Variants in DYTN observed in about 807,000 individuals in gnomAD.
The protein encoded by DYTN is dystrotelin.
Under a neutral mutation model 69.6 loss-of-function variants are expected in DYTN, and 75 were observed. The observed-to-expected ratio is 1.08, with a 90% CI of 0.89 to 1.31. The LOEUF (loss-of-function observed/expected upper bound fraction) is 1.31, where lower values mean the gene tolerates loss of function less well. DYTN is among the 50% of genes most tolerant of loss of function. DYTN has a pLI of 0.00. For missense variants in DYTN, 726 were observed against 688.4 expected (o/e 1.05, Z -0.61); for synonymous variants, 252 against 249.1 (o/e 1.01, Z -0.11).
intron 9 of DYTN, among the ~76,000 whole-genome samples, chr2:206,677,362 A>T (rs911634886): frequency 6.6e-6 from 1 of 152,220 alleles, no homozygotes; most frequent in Non-Finnish European, 1.5e-5. Context: ...AATTCAAATA[A>T]TGCTGTTCTT....
At chr2:206,666,891 ACACAC>A (rs1699578422) in intron 9 of DYTN, among the ~76,000 whole-genome samples, 3 of 151,862 alleles carry the variant, frequency 2.0e-5, no homozygotes, top group African/African-American at 4.8e-5. Flanking sequence ...ACACACACAC[ACACAC>A]AAATTAGCTG....
chr2:206,693,525 C>T (rs570021665), intron 8 of DYTN, among the ~76,000 whole-genome samples: 1 of 152,262 alleles, frequency 6.6e-6, no homozygotes, highest in Admixed American at 6.5e-5. Context: ...TTAAACACCC[C>T]AAACCCCCTC....
rs1010292962 is a variant in DYTN at position 206,663,194 on chromosome 2, G to A, written c.1342C>T (p.His448Tyr). The A allele has an allele frequency of 1.2e-6, 2 of 1,613,830 alleles. No individual in the cohort carries two copies. Among genetic ancestry groups the A allele is most frequent in the African/African-American group, 2.7e-5 (2 of 74,898 alleles). ...GGTGATTCTGGATTTCGCAGAGCAT[G>A]CTCTGCATTTGTGTGACTTCTGTGA... is the stretch of plus-strand genomic sequence containing the variant. Reference protein sequence around the residue: ...RSHRSHTNAEHALRNPESPET... With the variant: ...RSHRSHTNAEYALRNPESPET... The change falls in exon 11 of 12, where the codon CAT becomes TAT. Residue 448 changes from histidine to tyrosine, a missense_variant. Transcript: ENST00000452335.
At chr2:206,694,544 CTGT>C (rs1251942251) in intron 8 of DYTN, among the ~76,000 whole-genome samples, 7 of 152,130 alleles carry the variant, frequency 4.6e-5, no homozygotes, top group Non-Finnish European at 1.5e-5. Flanking sequence ...GAACTCTGGC[CTGT>C]TCTTGTGGCC....
At position 206,665,922 on chromosome 2, in the gene DYTN, GT is replaced by G. The variant is rs1699565838; in HGVS notation, c.1087del (p.Thr363ProfsTer13). The G allele has an allele frequency of 6.2e-7, 1 of 1,613,936 alleles. No individual in the cohort carries two copies. The highest frequency in any genetic ancestry group is 8.5e-7 in the Non-Finnish European group (1 of 1,179,862). The stretch of plus-strand genomic sequence containing the variant: ...CTTGGTCCATAGACTATCCTGGTTG[GT>G]TTTGAGTTTGTGAATCCTTGTTTCA... The part of the protein sequence containing the change: ...RFETRIHKLK[T>X]NQDSLWTKLQ... On this transcript the variant is annotated frameshift_variant, in exon 10 of 12. Transcript: ENST00000452335. LOFTEE classifies it high-confidence loss of function.
intron 9 of DYTN, among the ~76,000 whole-genome samples, chr2:206,670,122 A>T (rs1268375108): frequency 6.6e-6 from 1 of 152,236 alleles, no homozygotes; most frequent in African/African-American, 2.4e-5. Flanking sequence ...CCTAGTAGAA[A>T]GTTAGAATGC....
intron 9 of DYTN, among the ~76,000 whole-genome samples, chr2:206,666,480 T>G (rs1210405814): frequency 6.6e-6 from 1 of 152,174 alleles, no homozygotes; most frequent in East Asian, 1.9e-4. Flanking sequence ...ATATTACAGA[T>G]TACTTTTGAC....
At position 206,663,161 on chromosome 2, in the gene DYTN, T is replaced by A; in HGVS notation, c.1375A>T (p.Thr459Ser). ...ALRNPESPETTLHSTRAQSQT... is the reference protein window; with the variant it reads ...ALRNPESPETSLHSTRAQSQT... ...CTTTGTGCCCTGGTGCTGTGCAAAGTGGTCTCTGGTGATTCTGGATTTCGC... is the reference window on the plus strand; with the variant it reads ...CTTTGTGCCCTGGTGCTGTGCAAAGAGGTCTCTGGTGATTCTGGATTTCGC... The change falls in exon 11 of 12, where the codon ACT (threonine) becomes TCT (serine). Residue 459 changes from threonine (T) to serine (S), a missense_variant. Transcript: ENST00000452335. 6.2e-7 allele frequency: 1 copy of A among 1,613,966 alleles called. No individual in the cohort carries two copies. Among genetic ancestry groups the A allele is most frequent in the Non-Finnish European group, 8.5e-7 (1 of 1,179,882 alleles).
chr2:206,718,088 G>A (rs1422351399), intron 1 of DYTN, among the ~76,000 whole-genome samples, 173 bp downstream of exon 1: 1 of 152,134 alleles, frequency 6.6e-6, no homozygotes, highest in African/African-American at 2.4e-5. Context: ...AGTACATGGT[G>A]GATTTCTGTT....
rs13388286 is a variant in DYTN at position 206,657,801 on chromosome 2, G to A, written c.1633+5102C>T. 2.6e-3 allele frequency among the ~76,000 whole-genome samples: 402 copies of A among 152,182 alleles called. 2 individuals carry two copies. Among genetic ancestry groups the A allele is most frequent in the African/African-American group, 9.4e-3 (391 of 41,512 alleles). ...GCTTTCAAAATTCTCTTTTGTGTTT[G>A]ACTTTTGACAATTTGGTTATAATGT... On this transcript the variant is annotated intron_variant, in intron 11 of 11. Coordinates refer to ENST00000452335, the MANE Select transcript of DYTN (RefSeq NM_001093730.1).
At chr2:206,674,451 T>C (rs1699661283) in intron 9 of DYTN, among the ~76,000 whole-genome samples, 1 of 152,146 alleles carries the variant, frequency 6.6e-6, no homozygotes, top group Non-Finnish European at 1.5e-5. Context: ...TTTATGAAAC[T>C]ATTATAAAGC....
intron 9 of DYTN, among the ~76,000 whole-genome samples, chr2:206,666,370 CTGTT>C (rs1699572708): frequency 2.0e-5 from 3 of 152,186 alleles, no homozygotes; most frequent in African/African-American, 2.4e-5. Context: ...ATTGTTGACA[CTGTT>C]TGTTCACCAT....
chr2:206,711,734 C>G (rs1700080097), intron 1 of DYTN, among the ~76,000 whole-genome samples: 1 of 151,598 alleles, frequency 6.6e-6, no homozygotes, highest in Non-Finnish European at 1.5e-5. Context: ...ATCCCTCCCC[C>G]TTCCCCCCAC....
intron 9 of DYTN, among the ~76,000 whole-genome samples, chr2:206,666,296 G>A (rs891397375): frequency 1.3e-5 from 2 of 152,066 alleles, no homozygotes; most frequent in African/African-American, 4.8e-5. Context: ...GATTACAGGT[G>A]CACACCACCA....
At chr2:206,665,738 G>A (rs1022438152) in intron 10 of DYTN, 132 bp downstream of exon 10, 3 of 1,053,000 alleles carry the variant, frequency 2.8e-6, no homozygotes, top group Non-Finnish European at 4.0e-6. Flanking sequence ...GGAAATGGGA[G>A]GTCAGGGTAC....
At position 206,700,184 on chromosome 2, in the gene DYTN, C is replaced by T. The variant is rs946059218; in HGVS notation, c.516G>A (p.Leu172=). Residue 172 remains leucine (L), a synonymous_variant, in exon 6 of 12, where the codon CTG becomes CTA. Transcript: ENST00000452335. ...IPTFVGESRA[L]CPVESATRSC... ...TGCGGGTGGCACTTTCCACAGGGCA[C>T]AGAGCACGACTCTCTCCCACGAAAG... 10 of 1,613,948 alleles carry T rather than the reference C, an allele frequency of 6.2e-6. No homozygotes were observed. Among genetic ancestry groups the T allele is most frequent in the Non-Finnish European group, 8.5e-6 (10 of 1,179,826 alleles).
At chr2:206,715,038 A>T (rs1394079208) in intron 1 of DYTN, among the ~76,000 whole-genome samples, 2 of 152,098 alleles carry the variant, frequency 1.3e-5, no homozygotes, top group African/African-American at 4.8e-5. Flanking sequence ...TAAGATACTA[A>T]GCAGCATTCC....
chr2:206,703,834 A>G (rs1002743895), intron 5 of DYTN, among the ~76,000 whole-genome samples: 31 of 152,284 alleles, frequency 2.0e-4, no homozygotes, highest in African/African-American at 6.3e-4. Flanking sequence ...ATTTTGTAGG[A>G]GCTGGAAGAA....
intron 11 of DYTN, among the ~76,000 whole-genome samples, chr2:206,655,673 C>G (rs1699440326): frequency 6.6e-6 from 1 of 151,856 alleles, no homozygotes; most frequent in African/African-American, 2.4e-5. Flanking sequence ...GTCCTCCCAC[C>G]TCAGCCTCCC....
Sources: gnomAD v4.1 joint callset for allele counts (sites outside exome capture counted in the v4.1 genomes callset) on GRCh38, gnomAD v4.1.1 for gene constraint, MANE v1.5 for transcripts, NCBI Gene and HGNC (gene_info 2026-07-23, HGNC 2026-07-21) for gene names.